CDH9: variants seen among roughly 807,000 people sequenced by gnomAD.
The protein encoded by CDH9 is cadherin 9, also known as cadherin-9.
A neutral mutation model predicts 70.9 loss-of-function variants in CDH9; 28 were observed. That is an observed-to-expected ratio of 0.40 (90% confidence interval 0.29 to 0.54). The LOEUF (loss-of-function observed/expected upper bound fraction) is 0.54. Among genes scored for constraint, CDH9 ranks in the 20% least tolerant of loss-of-function variants. CDH9 has a pLI of 0.59. For synonymous variants in CDH9, 409 were observed against 343.1 expected, an observed-to-expected ratio of 1.19 and a Z score of -2.12; for missense variants, 874 against 984.4, an observed-to-expected ratio of 0.89 and a Z score of 1.50.
intron 7 of CDH9, among the ~76,000 whole-genome samples, chr5:26,900,270 A>T (rs1396096711): frequency 6.6e-6 from 1 of 152,090 alleles, no homozygotes; most frequent in African/African-American, 2.4e-5. Flanking sequence ...CATTAAGGAA[A>T]CATTCTAATT....
intron 1 of CDH9, among the ~76,000 whole-genome samples, chr5:27,003,101 A>C (rs901809963): frequency 3.3e-5 from 5 of 152,002 alleles, no homozygotes; most frequent in African/African-American, 9.7e-5. Context: ...TATTCTTATG[A>C]GTTGAGCATT....
rs1052455488 is a variant in CDH9, at chr5:26,905,994, G to T, written c.776C>A (p.Thr259Lys). 1.9e-6 allele frequency: 3 copies of T among 1,613,620 alleles called. No individual in the cohort carries two copies. The highest frequency in any genetic ancestry group is 2.5e-6 in the Non-Finnish European group (3 of 1,179,660). The change falls in exon 5 of 12, where the codon ACA (threonine) becomes AAA (lysine). Residue 259 changes from threonine to lysine, a missense_variant. Transcript: ENST00000231021. ...TCGAGGAGGGTTGTTGTTGACATCT[G>T]TCAGCGTGATGTTCACTGTGGTGGT... is the stretch of plus-strand genomic sequence containing the variant. ...SGTTTVNITL[T>K]DVNNNPPRFP... is the part of the protein sequence containing the mutation.
At chr5:26,894,172 A>T (rs1352351501) in intron 7 of CDH9, among the ~76,000 whole-genome samples, 2 of 152,146 alleles carry the variant, frequency 1.3e-5, no homozygotes, top group South Asian at 2.1e-4. Context: ...TGGAAAGGTC[A>T]ATAGTTAACC....
At chr5:26,936,915 T>C (rs1473286114) in intron 2 of CDH9, among the ~76,000 whole-genome samples, 2 of 151,942 alleles carry the variant, frequency 1.3e-5, no homozygotes, top group Non-Finnish European at 2.9e-5. Flanking sequence ...GACTTAAAAG[T>C]AAAATGTAAT....
At chr5:26,967,740 A>T (rs999640723) in intron 2 of CDH9, among the ~76,000 whole-genome samples, 1 of 151,866 alleles carries the variant, frequency 6.6e-6, no homozygotes, top group Non-Finnish European at 1.5e-5. Flanking sequence ...TTCCTCTGTC[A>T]CCCAGGCTGG....
At chr5:26,892,710 A>AT (rs113985997) in intron 7 of CDH9, among the ~76,000 whole-genome samples, 22,477 of 151,658 alleles carry the variant, frequency 0.15, 2,297 homozygotes, top group East Asian at 0.48. Flanking sequence ...AAGTACTGGC[A>AT]TTTTTTTGTT....
intron 2 of CDH9, among the ~76,000 whole-genome samples, chr5:26,981,942 A>G (rs1561027819): frequency 1.3e-5 from 2 of 151,794 alleles, no homozygotes; most frequent in African/African-American, 4.8e-5. Flanking sequence ...TTTCATAATG[A>G]CATCATCATC....
chr5:26,887,860 T>A (rs931335270), intron 9 of CDH9, among the ~76,000 whole-genome samples: 1 of 152,094 alleles, frequency 6.6e-6, no homozygotes, highest in South Asian at 2.1e-4. Flanking sequence ...CCAAAGGATG[T>A]CAAGGATGGC....
chr5:26,978,673 G>A (rs1315918838), intron 2 of CDH9, among the ~76,000 whole-genome samples: 1 of 148,836 alleles, frequency 6.7e-6, no homozygotes. Context: ...GAATTAAAAA[G>A]AAAAAAAAAC....
At chr5:26,893,723 G>A (rs1364202765) in intron 7 of CDH9, among the ~76,000 whole-genome samples, 1 of 151,700 alleles carries the variant, frequency 6.6e-6, no homozygotes, top group Non-Finnish European at 1.5e-5. Flanking sequence ...GGAAGCAAAT[G>A]TCATGCTGGC....
chr5:26,968,625 A>C (rs1742167606), intron 2 of CDH9, among the ~76,000 whole-genome samples: 1 of 152,056 alleles, frequency 6.6e-6, no homozygotes, highest in South Asian at 2.1e-4. Context: ...GAGACTGTCC[A>C]TGGCATTTAA....
intron 7 of CDH9, among the ~76,000 whole-genome samples, chr5:26,896,597 A>C (rs1740756011): frequency 5.9e-5 from 9 of 151,922 alleles, no homozygotes; most frequent in Admixed American, 5.9e-4. Context: ...TGAAGGCAGA[A>C]ATAAATAAGT....
chr5:26,997,632 T>C (rs1742688705), intron 1 of CDH9, among the ~76,000 whole-genome samples: 1 of 152,164 alleles, frequency 6.6e-6, no homozygotes, highest in Non-Finnish European at 1.5e-5. Context: ...CATGCTGACA[T>C]GTTTAAGATT....
At chr5:27,027,669 A>G (rs1743242828) in intron 1 of CDH9, among the ~76,000 whole-genome samples, 1 of 152,020 alleles carries the variant, frequency 6.6e-6, no homozygotes, top group Admixed American at 6.6e-5. Context: ...CTGACTATCA[A>G]AAAATATTGC....
At chr5:27,031,150 T>C (rs935903145) in intron 1 of CDH9, among the ~76,000 whole-genome samples, 1 of 151,808 alleles carries the variant, frequency 6.6e-6, no homozygotes, top group African/African-American at 2.4e-5. Flanking sequence ...AAACATTACA[T>C]AATTAGAATT....
chr5:27,010,806 G>C (rs932718417), intron 1 of CDH9, among the ~76,000 whole-genome samples: 1 of 152,116 alleles, frequency 6.6e-6, no homozygotes, highest in Non-Finnish European at 1.5e-5. Flanking sequence ...AGTTGCAGTG[G>C]CATGAGTTAT....
intron 2 of CDH9, among the ~76,000 whole-genome samples, chr5:26,970,362 C>T (rs1256364232): frequency 4.6e-5 from 7 of 151,498 alleles, no homozygotes; most frequent in African/African-American, 1.2e-4. Context: ...CCATGAGTCA[C>T]GTTATTTTAC....
At chr5:27,037,923 C>A (rs1743421607) in intron 1 of CDH9, among the ~76,000 whole-genome samples, 2 of 151,914 alleles carry the variant, frequency 1.3e-5, no homozygotes, top group African/African-American at 4.8e-5. Flanking sequence ...CAATATGCAT[C>A]TGTGGCATTT....
At chr5:26,930,118 C>T (rs898592352) in intron 2 of CDH9, among the ~76,000 whole-genome samples, 15 of 151,824 alleles carry the variant, frequency 9.9e-5, no homozygotes, top group African/African-American at 2.9e-4. Flanking sequence ...ATAAATATAT[C>T]CACACATTAT....
Sources: allele counts gnomAD v4.1 joint callset (sites outside exome capture counted in the v4.1 genomes callset), GRCh38; gene constraint gnomAD v4.1.1; transcripts MANE v1.5; gene names NCBI Gene and HGNC (gene_info 2026-07-23, HGNC 2026-07-21).